CNTN4: variants seen among roughly 807,000 people sequenced by gnomAD.
CNTN4 encodes contactin 4, also known as contactin-4.
Under a neutral mutation model 122.5 loss-of-function variants are expected in CNTN4, and 77 were observed. The observed-to-expected ratio is 0.63, with a 90% CI of 0.52 to 0.76. The LOEUF is 0.76. Among genes scored for constraint, CNTN4 ranks in the 30% least tolerant of loss-of-function variants. The probability of loss-of-function intolerance (pLI) is 0.00; values close to 1 mark genes in which losing one functional copy is unlikely to be tolerated. For missense variants in CNTN4, 1,256 were observed against 1,259.1 expected (o/e 1.00, Z 0.04); for synonymous variants, 512 against 447.0 (o/e 1.15, Z -1.83).
chr3:2,250,506 T>C (rs1021090215), intron 2 of CNTN4, among the ~76,000 whole-genome samples: 2 of 151,926 alleles, frequency 1.3e-5, no homozygotes, highest in Non-Finnish European at 2.9e-5. Context: ...CTGTAGTTGA[T>C]AATATATAGC....
chr3:2,880,794 G>C, intron 8 of CNTN4, among the ~76,000 whole-genome samples: 1 of 152,184 alleles, frequency 6.6e-6, no homozygotes, highest in East Asian at 1.9e-4. Context: ...CTGGTTTTCT[G>C]TGGGACTAAA....
intron 2 of CNTN4, among the ~76,000 whole-genome samples, chr3:2,146,744 T>A (rs563384393): frequency 8.5e-5 from 13 of 152,306 alleles, no homozygotes; most frequent in Non-Finnish European, 1.9e-4. Context: ...GTGTCAGTTA[T>A]ATGTCACCTT....
At chr3:2,222,862 G>T (rs2039115361) in intron 2 of CNTN4, among the ~76,000 whole-genome samples, 2 of 151,950 alleles carry the variant, frequency 1.3e-5, no homozygotes, top group African/African-American at 4.8e-5. Flanking sequence ...ACAAACACTG[G>T]AATTACCACC....
chr3:2,682,450 G>A (rs2085212754), intron 4 of CNTN4, among the ~76,000 whole-genome samples: 1 of 152,084 alleles, frequency 6.6e-6, no homozygotes, highest in African/African-American at 2.4e-5. Context: ...AAATTTACAA[G>A]CCCAGCATCT....
intron 3 of CNTN4, among the ~76,000 whole-genome samples, chr3:2,400,817 C>G (rs2046830758): frequency 6.6e-6 from 1 of 151,340 alleles, no homozygotes; most frequent in African/African-American, 2.4e-5. Context: ...AGGAGAAATA[C>G]TGCCCTATGT....
intron 4 of CNTN4, among the ~76,000 whole-genome samples, chr3:2,685,355 G>C (rs1214615058): frequency 6.6e-6 from 1 of 152,094 alleles, no homozygotes; most frequent in African/African-American, 2.4e-5. Flanking sequence ...TGTTAATGAT[G>C]ATCTTCAAAT....
intron 2 of CNTN4, among the ~76,000 whole-genome samples, chr3:2,142,066 G>A (rs2727918): frequency 0.52 from 78,778 of 151,962 alleles, 20,624 homozygotes; most frequent in Admixed American, 0.6. Flanking sequence ...GATTTCTGTC[G>A]TAGGCATATT....
At position 2,514,740 on chromosome 3, in the gene CNTN4, C is replaced by T. The variant is rs75950229; in HGVS notation, c.-88-56676C>T. ...GATCCTTCCGAGGTTAAGAAAGTTA[C>T]GAACTCATGACATCTTATTCTAACT... On this transcript the variant is annotated intron_variant, in intron 3 of 24. Coordinates refer to ENST00000418658, the MANE Select transcript of CNTN4 (RefSeq NM_175607.3). Among the ~76,000 whole-genome samples the T allele has an allele frequency of 3.8e-3, 584 of 152,200 alleles. 8 individuals carry two copies. Among genetic ancestry groups the T allele is most frequent in the African/African-American group, 0.013 (553 of 41,532 alleles).
Position 2,962,924 on chromosome 3 carries a change from T to C in CNTN4, c.1359-25421T>C, listed in dbSNP as rs564141260. ...CCAGTGTCCTTAGCTGCCCTCTTAG[T>C]TGGTGTTAATTTTTTCAATGACCCT... is the stretch of plus-strand genomic sequence containing the variant. On this transcript the variant is annotated intron_variant, in intron 13 of 24. Coordinates refer to ENST00000418658, the MANE Select transcript of CNTN4 (RefSeq NM_175607.3). 7.4e-4 allele frequency among the ~76,000 whole-genome samples: 112 copies of C among 152,282 alleles called. 1 individual carries two copies. The highest frequency in any genetic ancestry group is 1.2e-3 in the Non-Finnish European group (82 of 68,012).
At chr3:2,785,862 G>A (rs1041023749) in intron 6 of CNTN4, among the ~76,000 whole-genome samples, 1 of 140,484 alleles carries the variant, frequency 7.1e-6, no homozygotes, top group African/African-American at 2.6e-5. Context: ...CCACCCACAT[G>A]TTGCCTTTCC....
intron 3 of CNTN4, among the ~76,000 whole-genome samples, chr3:2,464,653 G>A (rs2075433674): frequency 6.6e-6 from 1 of 152,142 alleles, no homozygotes; most frequent in Non-Finnish European, 1.5e-5. Flanking sequence ...TCCCAAAGAG[G>A]CTTTGATTTA....
chr3:2,984,303 T>G (rs1559753184), intron 13 of CNTN4, among the ~76,000 whole-genome samples: 1 of 152,198 alleles, frequency 6.6e-6, no homozygotes, highest in Non-Finnish European at 1.5e-5. Context: ...CTTATCTCAT[T>G]ATAGAAGAAG....
chr3:2,263,856 G>T (rs1005901396), intron 2 of CNTN4, among the ~76,000 whole-genome samples: 2 of 123,204 alleles, frequency 1.6e-5, no homozygotes, highest in East Asian at 2.1e-4. Context: ...TTTAGTTTTT[G>T]TATATAAGTG....
At position 2,468,702 on chromosome 3, in the gene CNTN4, A is replaced by AT. The variant is rs547839986; in HGVS notation, c.-88-102704dup. On this transcript the variant is annotated intron_variant, in intron 3 of 24. Coordinates refer to ENST00000418658, the MANE Select transcript of CNTN4 (RefSeq NM_175607.3). ...TTCATGTCAGCAGTGACCTAGGTTA[A>AT]TTTTTTTTTTCTTTCTTCTCTATGC... Among the ~76,000 whole-genome samples, 38 of 150,304 alleles carry AT rather than the reference A, an allele frequency of 2.5e-4. No individual in the cohort carries two copies. In the East Asian group the frequency reaches 3.1e-3, roughly 12 times the overall value.
rs113121766 is a variant in CNTN4, at chr3:2,586,722, G to T, written c.55+15164G>T. ...TACTGATTTGCTACATGACTATGGA[G>T]ACAACCAGATTAAACTGTGTAGATG... On this transcript the variant is annotated intron_variant, in intron 4 of 24. Transcript: ENST00000418658. 1.8e-4 allele frequency among the ~76,000 whole-genome samples: 28 copies of T among 152,306 alleles called. 2 individuals carry two copies. The highest frequency in any genetic ancestry group is 6.3e-4 in the African/African-American group (26 of 41,570).
chr3:3,012,971 A>C (rs575498877), intron 14 of CNTN4, among the ~76,000 whole-genome samples: 1 of 152,036 alleles, frequency 6.6e-6, no homozygotes, highest in Non-Finnish European at 1.5e-5. Flanking sequence ...TCCATCTAAA[A>C]AATAAAAAAA....
intron 4 of CNTN4, among the ~76,000 whole-genome samples, chr3:2,662,604 G>A (rs2083951964): frequency 2.0e-5 from 3 of 152,160 alleles, no homozygotes; most frequent in Admixed American, 2.0e-4. Flanking sequence ...GCAAGGATGG[G>A]GAAAGGGTTT....
At chr3:2,624,738 T>C (rs1244106590) in intron 4 of CNTN4, among the ~76,000 whole-genome samples, 1 of 150,814 alleles carries the variant, frequency 6.6e-6, no homozygotes, top group Admixed American at 6.7e-5. Context: ...TTCAAGCAAT[T>C]CCCTTGCCTC....
intron 4 of CNTN4, among the ~76,000 whole-genome samples, chr3:2,589,412 A>G (rs574514189): frequency 1.3e-5 from 2 of 152,274 alleles, no homozygotes; most frequent in South Asian, 2.1e-4. Flanking sequence ...TTAGCCATCC[A>G]TTGCTATTAC....
Sources: allele counts gnomAD v4.1 joint callset (sites outside exome capture counted in the v4.1 genomes callset), GRCh38; gene constraint gnomAD v4.1.1; transcripts MANE v1.5; gene names NCBI Gene and HGNC (gene_info 2026-07-23, HGNC 2026-07-21).